Variants in COBLL1 observed in about 807,000 individuals in gnomAD.
The protein encoded by COBLL1 is cordon-bleu protein-like 1.
Under a neutral mutation model 94.8 loss-of-function variants are expected in COBLL1, and 50 were observed. The observed-to-expected ratio is 0.53, with a 90% CI of 0.42 to 0.67. COBLL1 has a LOEUF of 0.67. Ranked by LOEUF, COBLL1 falls within the 30% of genes least tolerant of loss-of-function variation. The pLI is 0.00. For missense variants in COBLL1, 1,362 were observed against 1,348.7 expected (o/e 1.01, Z -0.15); for synonymous variants, 448 against 473.8 (o/e 0.95, Z 0.71).
chr2:164,743,454 T>C, intron 3 of COBLL1: 1 of 400,116 alleles, frequency 2.5e-6, no homozygotes, highest in Non-Finnish European at 4.5e-6. Flanking sequence ...TATGAAAGGG[T>C]TCCAAATTTC....
downstream of COBLL1, among the ~76,000 whole-genome samples, chr2:164,677,144 AT>A (rs1470662548): frequency 6.6e-6 from 1 of 152,166 alleles, no homozygotes; most frequent in Non-Finnish European, 1.5e-5. Context: ...GAAGGTTATA[AT>A]TTTATATGTT....
intron 5 of COBLL1, 178 bp from the exon 6 acceptor site, chr2:164,722,700 C>G: frequency 2.8e-6 from 1 of 361,004 alleles, no homozygotes; most frequent in East Asian, 4.5e-5. Context: ...AATATTGTTC[C>G]TATTTCACAG....
chr2:164,692,510 G>T, intron 12 of COBLL1, 113 bp from the exon 13 acceptor site: 1 of 786,076 alleles, frequency 1.3e-6, no homozygotes. Flanking sequence ...TGCCACACTG[G>T]TGTTTCAGAC....
intron 2 of COBLL1, among the ~76,000 whole-genome samples, chr2:164,750,506 G>C (rs980715631): frequency 6.6e-6 from 1 of 152,054 alleles, no homozygotes; most frequent in African/African-American, 2.4e-5. Context: ...GGTAATCAAG[G>C]CATCATCTTT....
intron 9 of COBLL1, 80 bp downstream of exon 9, chr2:164,704,364 C>A (rs1004645036): frequency 1.2e-5 from 11 of 923,330 alleles, no homozygotes; most frequent in Non-Finnish European, 1.8e-6. Flanking sequence ...ATGTACAAAG[C>A]ATCGCAAATG....
intron 3 of COBLL1, among the ~76,000 whole-genome samples, chr2:164,733,056 A>AAAAAC (rs778368211): frequency 1.8e-4 from 27 of 152,240 alleles, no homozygotes; most frequent in Admixed American, 2.6e-4. Context: ...CTCCATCTCA[A>AAAAAC]AAAACAAAAC....
chr2:164,841,996 C>T, upstream of COBLL1: 1 of 1,540,222 alleles, frequency 6.5e-7, no homozygotes, highest in South Asian at 1.2e-5. The surrounding 1 kb of genome is among the most constrained non-coding windows in gnomAD (Gnocchi z 5.5). Context: ...GAGCTCGCCG[C>T]CGCCTCTGCA....
rs765158775 is a variant in COBLL1 at position 164,694,712 on chromosome 2, G to A, written c.2680C>T (p.Pro894Ser). 2 of 1,613,846 alleles carry A rather than the reference G, an allele frequency of 1.2e-6. No individual in the cohort carries two copies. The highest frequency in any genetic ancestry group is 1.7e-6 in the Non-Finnish European group (2 of 1,179,946). Residue 894 changes from proline to serine, a missense_variant, in exon 12 of 14, where the codon CCT (proline) becomes TCT (serine). Physicochemically the swap from Pro to Ser is moderately conservative, Grantham distance 74. Coordinates refer to ENST00000652658, the MANE Select transcript of COBLL1 (RefSeq NM_001365672.2). ...TTATTTGTCAGTTCTTTTGGAGCAG[G>A]ATTAGGGGCAGCATGGACACTCTTG... ...AAKSVHAAPN[P>S]APKELTNKEA...
chr2:164,719,913 T>C (rs1471002081), intron 7 of COBLL1, among the ~76,000 whole-genome samples: 1 of 149,194 alleles, frequency 6.7e-6, no homozygotes, highest in Non-Finnish European at 1.5e-5. Flanking sequence ...ATTTAGAAAA[T>C]GAATAAAAGA....
chr2:164,796,351 A>T (rs1228381806), intron 2 of COBLL1, among the ~76,000 whole-genome samples: 1 of 152,166 alleles, frequency 6.6e-6, no homozygotes, highest in African/African-American at 2.4e-5. Flanking sequence ...GAATGGACAT[A>T]ACTAAGATGA....
At chr2:164,708,662 G>A (rs1684729381) in intron 7 of COBLL1, among the ~76,000 whole-genome samples, 1 of 152,156 alleles carries the variant, frequency 6.6e-6, no homozygotes. Flanking sequence ...TAGAAGATGT[G>A]ATTTTATTTC....
chr2:164,775,241 C>T (rs537485407), intron 2 of COBLL1, among the ~76,000 whole-genome samples: 4 of 152,198 alleles, frequency 2.6e-5, no homozygotes, highest in Non-Finnish European at 5.9e-5. Flanking sequence ...CCACCCCCAA[C>T]CCCACCCACA....
At position 164,694,353 on chromosome 2, in the gene COBLL1, G is replaced by A. The variant is rs115610399; in HGVS notation, c.3039C>T (p.Val1013=). ...RTESPSASAL[V]QPPANTEEGK... is the part of the protein sequence containing the mutation. Reference sequence around the variant, plus strand: ...CTTCCTCTGTGTTGGCTGGAGGTTGGACCAATGCACTGGCACTAGGTGACT... The same window carrying A: ...CTTCCTCTGTGTTGGCTGGAGGTTGAACCAATGCACTGGCACTAGGTGACT... The change falls in exon 12 of 14, where the codon GTC becomes GTT. Residue 1013 remains valine (V), a synonymous_variant. Coordinates refer to ENST00000652658, the MANE Select transcript of COBLL1 (RefSeq NM_001365672.2). 4,093 of 1,613,952 alleles carry A rather than the reference G, an allele frequency of 2.5e-3. 50 individuals carry two copies. The highest frequency in any genetic ancestry group is 0.019 in the South Asian group (1,687 of 91,072).
chr2:164,694,913 GAGC>G lies in COBLL1; in HGVS notation c.2476_2478del (p.Ala826del). On this transcript the variant is annotated inframe_deletion, in exon 12 of 14. Transcript: ENST00000652658. ...GTGCCAGTGTCTCTTGTCATTTTGGGAGCAGGTTTCAGAGGACTAACCATGGCA... is the reference window on the plus strand; with the variant it reads ...GTGCCAGTGTCTCTTGTCATTTTGGGAGGTTTCAGAGGACTAACCATGGCA... The G allele has an allele frequency of 6.2e-7, 1 of 1,613,868 alleles. No individual in the cohort carries two copies. The highest frequency in any genetic ancestry group is 2.2e-5 in the East Asian group (1 of 44,862).
At position 164,694,685 on chromosome 2, in the gene COBLL1, CTTTA is replaced by C; in HGVS notation, c.2703_2706del (p.Asn901LysfsTer18). The C allele has an allele frequency of 6.2e-7, 1 of 1,613,816 alleles. No homozygotes were observed. The highest frequency in any genetic ancestry group is 2.2e-5 in the East Asian group (1 of 44,870). On this transcript the variant is annotated frameshift_variant, in exon 12 of 14. Coordinates refer to ENST00000652658, the MANE Select transcript of COBLL1 (RefSeq NM_001365672.2). LOFTEE classifies it high-confidence loss of function. ...GAAGGCAGCATATCCCTTTCTGCCT[CTTTA>C]TTTGTCAGTTCTTTTGGAGCAGGAT...
At chr2:164,710,300 GT>G (rs755891682) in intron 7 of COBLL1, among the ~76,000 whole-genome samples, 19 of 152,118 alleles carry the variant, frequency 1.2e-4, no homozygotes, top group Admixed American at 1.1e-3. Context: ...GGACATTTAA[GT>G]TAGGAGACTT....
At chr2:164,776,475 C>A (rs938166629) in intron 2 of COBLL1, among the ~76,000 whole-genome samples, 3 of 152,130 alleles carry the variant, frequency 2.0e-5, no homozygotes, top group African/African-American at 7.2e-5. Flanking sequence ...TTAAATGTTA[C>A]CTTCTCATAA....
At chr2:164,729,436 G>C (rs1425827697) in intron 4 of COBLL1, among the ~76,000 whole-genome samples, 1 of 151,318 alleles carries the variant, frequency 6.6e-6, no homozygotes, top group African/African-American at 2.4e-5. Flanking sequence ...AAAGAAAATG[G>C]AGTTAATGTG....
At chr2:164,768,324 G>T (rs1217912403) in intron 2 of COBLL1, among the ~76,000 whole-genome samples, 1 of 152,096 alleles carries the variant, frequency 6.6e-6, no homozygotes, top group Non-Finnish European at 1.5e-5. Flanking sequence ...AGCCAAGCTT[G>T]TCCAACCTGT....
Sources: gnomAD v4.1 joint callset for allele counts (sites outside exome capture counted in the v4.1 genomes callset) on GRCh38, gnomAD v4.1.1 for gene constraint, Gnocchi (gnomAD v3.1) non-coding constraint, MANE v1.5 for transcripts, NCBI Gene and HGNC (gene_info 2026-07-23, HGNC 2026-07-21) for gene names.